HTR2B: variants seen among roughly 807,000 people sequenced by gnomAD.
HTR2B encodes the protein 5-HT 2B receptor.
Under a neutral mutation model 39.8 loss-of-function variants are expected in HTR2B, and 31 were observed. The observed-to-expected ratio is 0.78, with a 90% CI of 0.58 to 1.05. The LOEUF (loss-of-function observed/expected upper bound fraction) is 1.05. HTR2B is among the 50% of genes least tolerant of loss of function. HTR2B has a pLI of 0.00. For synonymous variants in HTR2B, 210 were observed against 207.1 expected, an observed-to-expected ratio of 1.01 and a Z score of -0.12; for missense variants, 562 against 578.0, an observed-to-expected ratio of 0.97 and a Z score of 0.28.
chr2:231,108,821 G>A lies in HTR2B; in HGVS notation c.1142C>T (p.Thr381Ile), dbSNP rs747959691. 4.3e-6 allele frequency: 7 copies of A among 1,614,042 alleles called. No individual in the cohort carries two copies. Among genetic ancestry groups the A allele is most frequent in the Non-Finnish European group, 2.5e-6 (3 of 1,180,034 alleles). The stretch of plus-strand genomic sequence containing the variant: ...ATCCCGAAATGTCTTATTGAAGAGG[G>A]TGTAGACCAAAGGATTCACTCCTGA... ...VSSGVNPLVY[T>I]LFNKTFRDAF... Residue 381 changes from threonine (T) to isoleucine (I), a missense_variant, in exon 4 of 4, where the codon ACC becomes ATC. By Grantham distance (89) the Thr-to-Ile change is moderately conservative (BLOSUM62 -1). Coordinates refer to ENST00000258400, the MANE Select transcript of HTR2B (RefSeq NM_000867.5).
chr2:231,113,653 C>T (rs1695232197), intron 3 of HTR2B, 76 bp downstream of exon 3: 5 of 1,306,962 alleles, frequency 3.8e-6, no homozygotes, highest in Non-Finnish European at 4.4e-6. Context: ...TCATTGCCTA[C>T]CAGACCTGGT....
chr2:231,110,870 C>T (rs1258889843), intron 3 of HTR2B, among the ~76,000 whole-genome samples: 14 of 152,196 alleles, frequency 9.2e-5, no homozygotes, highest in Admixed American at 6.5e-4. Context: ...AAACCATATA[C>T]GCCCTGCAAG....
In HTR2B at chr2:231,108,702, T is replaced by C. The variant is rs6736017; in HGVS notation, c.1261A>G (p.Met421Val). The C allele has an allele frequency of 4.4e-3, 7,085 of 1,614,138 alleles. 260 individuals carry two copies. In the African/African-American group the frequency reaches 0.083, roughly 19 times the overall value. The change falls in exon 4 of 4, where the codon ATG (methionine) becomes GTG (valine). Residue 421 changes from methionine to valine, a missense_variant. Met to Val is a conservative substitution (Grantham distance 21). Transcript: ENST00000258400. ...RSSKIYFRNP[M>V]AENSKFFKKH... ...TTGAAAAACTTAGAGTTCTCTGCCA[T>C]TGGATTCCGGAAGTAGATCTTACTG...
intron 3 of HTR2B, 120 bp downstream of exon 3, chr2:231,113,609 A>G (rs1695230848): frequency 2.4e-6 from 2 of 844,136 alleles, no homozygotes. Context: ...ATGTTAATGT[A>G]TCAGTAGGCT....
At position 231,108,447 on chromosome 2, in the gene HTR2B, A is replaced by G; in HGVS notation, c.*70T>C. On this transcript the variant is annotated 3_prime_UTR_variant, in exon 4 of 4. Coordinates refer to ENST00000258400, the MANE Select transcript of HTR2B (RefSeq NM_000867.5). ...TGACATAAAATTCTTTATATAATAT[A>G]TTCTTGGCACATTTACATCTCATTC... 9.0e-7 allele frequency: 1 copy of G among 1,109,800 alleles called. No individual in the cohort carries two copies. The highest frequency in any genetic ancestry group is 1.4e-6 in the Non-Finnish European group (1 of 738,102). The allele number at this position is 1,109,800 out of a possible 1,614,324, so 68.7% of individuals were successfully genotyped here. A position where few individuals can be genotyped will look rare whatever the true frequency, so the allele number is the denominator to read the frequency against.
intron 2 of HTR2B, among the ~76,000 whole-genome samples, chr2:231,119,480 G>GT (rs1695456688): frequency 1.3e-5 from 2 of 152,168 alleles, no homozygotes; most frequent in Admixed American, 6.5e-5. Context: ...ACCCTGGGAT[G>GT]TCTTGCTTCA....
In HTR2B at chr2:231,108,822, T is replaced by G; in HGVS notation, c.1141A>C (p.Thr381Pro). The change falls in exon 4 of 4, where the codon ACC (threonine) becomes CCC (proline). Residue 381 changes from threonine (T) to proline (P), a missense_variant. By Grantham distance (38) the Thr-to-Pro change is conservative. Transcript: ENST00000258400. ...VSSGVNPLVYTLFNKTFRDAF... is the reference protein window; with the variant it reads ...VSSGVNPLVYPLFNKTFRDAF... ...TCCCGAAATGTCTTATTGAAGAGGG[T>G]GTAGACCAAAGGATTCACTCCTGAG... is the stretch of plus-strand genomic sequence containing the variant. 6.2e-7 allele frequency: 1 copy of G among 1,614,106 alleles called. No individual in the cohort carries two copies.
Position 231,123,411 on chromosome 2 carries a change from AC to A in HTR2B, c.352+1del. ...ATGGCACAAACAAAGTGAAATACTT[AC>A]CAAACATTATTGTCAAGAGGGCAAT... On this transcript the variant is annotated splice_donor_variant, in intron 2 of 3. Coordinates refer to ENST00000258400, the MANE Select transcript of HTR2B (RefSeq NM_000867.5). LOFTEE classifies it high-confidence loss of function. The A allele has an allele frequency of 6.2e-7, 1 of 1,608,230 alleles. No individual in the cohort carries two copies.
In HTR2B at chr2:231,123,549, A is replaced by G. The variant is rs1362868395; in HGVS notation, c.216T>C (p.Asn72=). 3.1e-6 allele frequency: 5 copies of G among 1,614,082 alleles called. No homozygotes were observed. Among genetic ancestry groups the G allele is most frequent in the East Asian group, 4.5e-5 (2 of 44,876 alleles). ...LMVIIPTIGG[N]TLVILAVSLE... Reference sequence around the variant, plus strand: ...GTGAAACAGCCAGAATAACAAGGGTATTTCCACCAATTGTGGGTATTATCA... The same window carrying G: ...GTGAAACAGCCAGAATAACAAGGGTGTTTCCACCAATTGTGGGTATTATCA... Residue 72 remains asparagine (N), a synonymous_variant, in exon 2 of 4, where the codon AAT becomes AAC. Transcript: ENST00000258400.
At chr2:231,119,079 G>T (rs1695442696) in intron 2 of HTR2B, among the ~76,000 whole-genome samples, 1 of 152,138 alleles carries the variant, frequency 6.6e-6, no homozygotes, top group Non-Finnish European at 1.5e-5. Context: ...CTGGGGTTCA[G>T]TGTCTAATAT....
chr2:231,118,574 T>C (rs1458079154), intron 2 of HTR2B, among the ~76,000 whole-genome samples: 1 of 152,098 alleles, frequency 6.6e-6, no homozygotes, highest in Non-Finnish European at 1.5e-5. Context: ...TTTTTGTTGG[T>C]TTGGGTATTT....
intron 3 of HTR2B, among the ~76,000 whole-genome samples, chr2:231,110,605 T>G (rs1695125681): frequency 6.6e-6 from 1 of 152,216 alleles, no homozygotes; most frequent in Non-Finnish European, 1.5e-5. Context: ...AAAGAGCCAT[T>G]GACAAGAATA....
In HTR2B at chr2:231,108,520, T is replaced by A; in HGVS notation, c.1443A>T (p.Val481=). Residue 481 remains valine, a synonymous_variant, in exon 4 of 4, where the codon GTA becomes GTT. Coordinates refer to ENST00000258400, the MANE Select transcript of HTR2B (RefSeq NM_000867.5). ...TTGATGACAACTGCCAGTTCTGCTATACATAACTAACTTGCTCTTCAGTTT... is the reference window on the plus strand; with the variant it reads ...TTGATGACAACTGCCAGTTCTGCTAAACATAACTAACTTGCTCTTCAGTTT... ...GDKTEEQVSY[V] 6.2e-7 allele frequency: 1 copy of A among 1,611,260 alleles called. No homozygotes were observed. The highest frequency in any genetic ancestry group is 8.5e-7 in the Non-Finnish European group (1 of 1,177,592).
rs1045187874 is a variant in HTR2B, at chr2:231,108,466, C to T, written c.*51G>A. 9.8e-6 allele frequency: 13 copies of T among 1,327,400 alleles called. No individual in the cohort carries two copies. Among genetic ancestry groups the T allele is most frequent in the Non-Finnish European group, 1.3e-5 (12 of 923,760 alleles). 82.2% of individuals were successfully genotyped at this position (1,327,400 alleles called of 1,614,324 possible). ...TAATATATTCTTGGCACATTTACATCTCATTCATCATCTTACTCATCATTA... is the reference window on the plus strand; with the variant it reads ...TAATATATTCTTGGCACATTTACATTTCATTCATCATCTTACTCATCATTA... On this transcript the variant is annotated 3_prime_UTR_variant, in exon 4 of 4. Transcript: ENST00000258400.
chr2:231,108,749 A>T lies in HTR2B; in HGVS notation c.1214T>A (p.Val405Glu). The T allele has an allele frequency of 6.2e-7, 1 of 1,614,114 alleles. No individual in the cohort carries two copies. Among genetic ancestry groups the T allele is most frequent in the Non-Finnish European group, 8.5e-7 (1 of 1,180,000 alleles). Reference sequence around the variant, plus strand: ...ACTGGAGCGTTTTCTGAGAGTTTTTACTGACTTTGTGGCCCGGTAATTGCA... The same window carrying T: ...ACTGGAGCGTTTTCTGAGAGTTTTTTCTGACTTTGTGGCCCGGTAATTGCA... ...ITCNYRATKS[V>E]KTLRKRSSKI... Residue 405 changes from valine to glutamate, a missense_variant, in exon 4 of 4, where the codon GTA (valine) becomes GAA (glutamate). By Grantham distance (121) the Val-to-Glu change is moderately radical. Coordinates refer to ENST00000258400, the MANE Select transcript of HTR2B (RefSeq NM_000867.5).
chr2:231,123,291 A>G (rs776885258), intron 2 of HTR2B, 122 bp downstream of exon 2: 209 of 782,246 alleles, frequency 2.7e-4, no homozygotes, highest in Non-Finnish European at 4.4e-4. Context: ...TACTTGCCGT[A>G]TCTTTAAATA....
intron 2 of HTR2B, among the ~76,000 whole-genome samples, chr2:231,122,318 A>G (rs988905305): frequency 3.3e-5 from 5 of 152,154 alleles, no homozygotes; most frequent in African/African-American, 1.2e-4. Flanking sequence ...GTTATTACTT[A>G]TAAAATTGTA....
At chr2:231,110,259 G>T (rs1448467505) in intron 3 of HTR2B, among the ~76,000 whole-genome samples, 1 of 152,092 alleles carries the variant, frequency 6.6e-6, no homozygotes, top group African/African-American at 2.4e-5. Flanking sequence ...GGCCGAGGTT[G>T]CAGTGAGCCG....
At chr2:231,124,738 T>G (rs1695676723) in intron 1 of HTR2B, among the ~76,000 whole-genome samples, 1 of 152,208 alleles carries the variant, frequency 6.6e-6, no homozygotes, top group African/African-American at 2.4e-5. Flanking sequence ...GTTTATTTTT[T>G]TAACCTTCCC....
Sources: allele counts gnomAD v4.1 joint callset (sites outside exome capture counted in the v4.1 genomes callset), GRCh38; gene constraint gnomAD v4.1.1; transcripts MANE v1.5; gene names NCBI Gene and HGNC (gene_info 2026-07-23, HGNC 2026-07-21).